Variants in TENM2 observed in about 807,000 individuals in gnomAD.
TENM2 encodes teneurin transmembrane protein 2, also known as teneurin-2.
In TENM2, 52 loss-of-function variants were observed where a neutral mutation model predicts 245.2. The ratio of observed to expected loss-of-function variants is 0.21; its 90% CI spans 0.17 to 0.27. The LOEUF is 0.27. Ranked by LOEUF, TENM2 falls within the 10% of genes least tolerant of loss-of-function variation. The pLI is 1.00. For synonymous variants in TENM2, 1,363 were observed against 1,438.9 expected (o/e 0.95, Z 1.19); for missense variants, 3,046 against 3,666.8 (o/e 0.83, Z 4.37).
chr5:167,108,763 C>T, the TENM2 span, among the ~76,000 whole-genome samples: 2 of 152,200 alleles, frequency 1.3e-5, no homozygotes, highest in Non-Finnish European at 2.9e-5. Flanking sequence ...CATAGCTCTA[C>T]AATACTGTAG....
At chr5:167,973,219 C>G (rs1032550503) in intron 4 of TENM2, among the ~76,000 whole-genome samples, 2 of 152,158 alleles carry the variant, frequency 1.3e-5, no homozygotes, top group African/African-American at 4.8e-5. Flanking sequence ...AGGAAGACAG[C>G]CTTTTTTGTG....
At chr5:167,355,375 TG>T (rs5873032) in intron 1 of TENM2, among the ~76,000 whole-genome samples, 110,169 of 152,042 alleles carry the variant, frequency 0.72, 40,162 homozygotes, top group East Asian at 0.92. Flanking sequence ...CTTATCCGAA[TG>T]GAGATTGAAC....
At chr5:168,260,305 G>T (rs1768067988) in exon 28 of TENM2, 1 of 1,613,880 alleles carries the variant, frequency 6.2e-7, no homozygotes, top group Non-Finnish European at 8.5e-7. Context: ...GGCTTGTGAT[G>T]TTTGGATTTC....
intron 2 of TENM2, among the ~76,000 whole-genome samples, chr5:167,729,876 C>T (rs1760293434): frequency 6.6e-6 from 1 of 152,210 alleles, no homozygotes; most frequent in Non-Finnish European, 1.5e-5. Context: ...AGACCGTGAG[C>T]ACTTGTTGAA....
the TENM2 span, among the ~76,000 whole-genome samples, chr5:167,012,458 A>C: frequency 6.6e-6 from 1 of 152,196 alleles, no homozygotes; most frequent in Non-Finnish European, 1.5e-5. Flanking sequence ...AGGCTACAAG[A>C]GATAAGAAAA....
intron 2 of TENM2, among the ~76,000 whole-genome samples, chr5:167,697,174 G>A (rs899969916): frequency 6.6e-6 from 1 of 152,096 alleles, no homozygotes; most frequent in African/African-American, 2.4e-5. Context: ...ACCTCTCAAG[G>A]GTAAAACCCC....
chr5:167,880,269 A>G (rs914849079), intron 3 of TENM2, among the ~76,000 whole-genome samples: 1 of 151,918 alleles, frequency 6.6e-6, no homozygotes, highest in African/African-American at 2.4e-5. Flanking sequence ...CTGGCCTCAA[A>G]TGACCCACCC....
intron 2 of TENM2, among the ~76,000 whole-genome samples, chr5:167,526,096 AATATATTCATTT>A (rs1034058361): frequency 6.6e-6 from 1 of 151,978 alleles, no homozygotes; most frequent in Non-Finnish European, 1.5e-5. Flanking sequence ...CAAAGGAAGA[AATATATTCATTT>A]ATATATTCAT....
chr5:167,249,413 G>A, the TENM2 span, among the ~76,000 whole-genome samples: 1 of 152,062 alleles, frequency 6.6e-6, no homozygotes, highest in African/African-American at 2.4e-5. Flanking sequence ...TTTCACCAGT[G>A]CACATTTTTT....
chr5:167,105,488 G>C, the TENM2 span, among the ~76,000 whole-genome samples: 1 of 152,120 alleles, frequency 6.6e-6, no homozygotes. Flanking sequence ...ACCACGCCTA[G>C]TTAAACATAA....
the TENM2 span, among the ~76,000 whole-genome samples, chr5:167,198,289 T>C: frequency 6.6e-6 from 1 of 152,114 alleles, no homozygotes; most frequent in Non-Finnish European, 1.5e-5. Flanking sequence ...ATATGAAATA[T>C]CCTGCTTTCT....
At chr5:167,100,077 C>G in the TENM2 span, among the ~76,000 whole-genome samples, 9 of 152,202 alleles carry the variant, frequency 5.9e-5, no homozygotes, top group African/African-American at 1.9e-4. Context: ...CCATTCAGTT[C>G]TGACAATTTA....
intron 2 of TENM2, among the ~76,000 whole-genome samples, chr5:167,377,213 AT>A (rs1760806474): frequency 6.6e-6 from 1 of 152,072 alleles, no homozygotes; most frequent in South Asian, 2.1e-4. Context: ...TAGTAGTTTC[AT>A]TTTTTTCATA....
At chr5:167,665,739 G>A (rs945061439) in intron 2 of TENM2, among the ~76,000 whole-genome samples, 1 of 152,054 alleles carries the variant, frequency 6.6e-6, no homozygotes, top group Admixed American at 6.6e-5. Context: ...GCGTGTAATA[G>A]CTCTAATGTT....
At chr5:167,544,858 T>C (rs192117521) in intron 2 of TENM2, among the ~76,000 whole-genome samples, 1 of 152,184 alleles carries the variant, frequency 6.6e-6, no homozygotes, top group East Asian at 1.9e-4. Flanking sequence ...TGAAGTAATA[T>C]GTGTGTAATT....
At chr5:167,364,091 G>C (rs542503942) in intron 1 of TENM2, among the ~76,000 whole-genome samples, 1 of 148,408 alleles carries the variant, frequency 6.7e-6, no homozygotes, top group Non-Finnish European at 1.5e-5. Flanking sequence ...AGAGAAAAAG[G>C]GTAGCGTAAG....
rs183267702 is a variant in TENM2 at position 168,120,067 on chromosome 5, C to A, written c.2008+1581C>A. On this transcript the variant is annotated intron_variant, in intron 10 of 28. Coordinates refer to ENST00000518659, the Ensembl canonical transcript of TENM2. ...TGACAGTGCTTTGTACTTAGATACA[C>A]CCACATAGGGTTCCCTTGTGAAACC... is the stretch of plus-strand genomic sequence containing the variant. Among the ~76,000 whole-genome samples the A allele has an allele frequency of 2.6e-5, 4 of 152,220 alleles. No individual in the cohort carries two copies. In the East Asian group the frequency reaches 7.7e-4, roughly 29 times the overall value.
At chr5:167,045,513 C>T in the TENM2 span, among the ~76,000 whole-genome samples, 24 of 152,292 alleles carry the variant, frequency 1.6e-4, no homozygotes, top group Non-Finnish European at 2.9e-4. Flanking sequence ...TCTTCTCTCT[C>T]CTTCACCTTG....
At chr5:167,964,011 C>T (rs765056474) in intron 4 of TENM2, among the ~76,000 whole-genome samples, 5 of 152,200 alleles carry the variant, frequency 3.3e-5, no homozygotes, top group Admixed American at 2.6e-4. Flanking sequence ...GCAGAACTAA[C>T]TGCAAGCAGT....
Sources: gnomAD v4.1 joint callset for allele counts (sites outside exome capture counted in the v4.1 genomes callset) on GRCh38, gnomAD v4.1.1 for gene constraint, MANE v1.5 for transcripts, NCBI Gene and HGNC (gene_info 2026-07-23, HGNC 2026-07-21) for gene names.